The following AK9 variants were observed in gnomAD, a reference collection of about 807,000 sequenced individuals.
AK9 encodes adenylate kinase 9.
A neutral mutation model predicts 239.6 loss-of-function variants in AK9; 191 were observed. That is an observed-to-expected ratio of 0.80 (90% CI 0.71 to 0.90). The LOEUF (loss-of-function observed/expected upper bound fraction) is 0.90. AK9 is among the 40% of genes least tolerant of loss of function. AK9 has a pLI of 0.00. For synonymous variants in AK9, 689 were observed against 721.0 expected (o/e 0.96, Z 0.71); for missense variants, 1,995 against 2,214.7 (o/e 0.90, Z 1.99).
At chr6:109,582,472 A>G (rs1376198227) in intron 19 of AK9, among the ~76,000 whole-genome samples, 1 of 152,194 alleles carries the variant, frequency 6.6e-6, no homozygotes, top group African/African-American at 2.4e-5. Context: ...TCAGGACTGT[A>G]ATGAAGGAAG....
chr6:109,543,121 G>A (rs1291924710), intron 26 of AK9, among the ~76,000 whole-genome samples: 2 of 152,098 alleles, frequency 1.3e-5, no homozygotes, highest in African/African-American at 2.4e-5. Flanking sequence ...AGAAAGCATT[G>A]TGATAATTAA....
chr6:109,579,879 T>C (rs1259520822), intron 19 of AK9, among the ~76,000 whole-genome samples: 1 of 152,168 alleles, frequency 6.6e-6, no homozygotes, highest in East Asian at 1.9e-4. Context: ...TAAGAAAGGA[T>C]TACCTAACTG....
At chr6:109,684,873 C>CAAAAAAAAAAAAAA (rs60500211) in intron 1 of AK9, among the ~76,000 whole-genome samples, 8 of 21,870 alleles carry the variant, frequency 3.7e-4, no homozygotes, top group Non-Finnish European at 4.8e-4. Context: ...GACTCCGTCT[C>CAAAAAAAAAAAAAA]AAAAAAAAAA....
At chr6:109,679,764 C>T (rs575326824) in intron 1 of AK9, among the ~76,000 whole-genome samples, 38 of 152,330 alleles carry the variant, frequency 2.5e-4, no homozygotes, top group African/African-American at 7.2e-4. Context: ...AAGGAACAGG[C>T]AGCAATTTTT....
intron 17 of AK9, among the ~76,000 whole-genome samples, chr6:109,607,037 A>G (rs1792976532): frequency 6.6e-6 from 1 of 152,226 alleles, no homozygotes; most frequent in Admixed American, 6.5e-5. Context: ...GTCCAAGTGC[A>G]TCAATCATAT....
intron 21 of AK9, among the ~76,000 whole-genome samples, chr6:109,572,994 T>C (rs1365814991): frequency 6.6e-6 from 1 of 152,160 alleles, no homozygotes; most frequent in Non-Finnish European, 1.5e-5. Flanking sequence ...TATATTTGCA[T>C]TTAAAAATGG....
intron 5 of AK9, among the ~76,000 whole-genome samples, chr6:109,664,879 A>AG (rs1185325750): frequency 6.6e-6 from 1 of 151,650 alleles, no homozygotes; most frequent in African/African-American, 2.4e-5. Flanking sequence ...CTAAAAAAAA[A>AG]AAATACAAAA....
chr6:109,542,033 A>G lies in AK9; in HGVS notation c.3350+14T>C, dbSNP rs1782964804. The G allele has an allele frequency of 6.5e-7, 1 of 1,546,422 alleles. No individual in the cohort carries two copies. The highest frequency in any genetic ancestry group is 1.4e-5 in the African/African-American group (1 of 71,578). ...AAAGCAAATAAATGTACAATTCTAT[A>G]TAAATTAAGATACCGTATTGGTTCC... is the stretch of plus-strand genomic sequence containing the variant. On this transcript the variant is annotated intron_variant, in intron 27 of 40. Transcript: ENST00000424296.
chr6:109,593,848 A>G (rs1790626965), intron 17 of AK9, among the ~76,000 whole-genome samples: 1 of 152,204 alleles, frequency 6.6e-6, no homozygotes, highest in Non-Finnish European at 1.5e-5. Flanking sequence ...TAAACTAGGT[A>G]TTGATGGAAC....
At position 109,614,221 on chromosome 6, in the gene AK9, T is replaced by C. The variant is rs982716406; in HGVS notation, c.1571A>G (p.Asn524Ser). ...TTTAGCAGCTTGATCATGGAGGACATTTTCTGACTTTGTTTTGGCTTCTTC... is the reference window on the plus strand; with the variant it reads ...TTTAGCAGCTTGATCATGGAGGACACTTTCTGACTTTGTTTTGGCTTCTTC... ...DTEEAKTKSE[N>S]VLHDQAAKVD... The change falls in exon 15 of 41, where the codon AAT becomes AGT. Residue 524 changes from asparagine (N) to serine (S), a missense_variant. Physicochemically the swap from Asn to Ser is conservative, Grantham distance 46. This residue lies in a region of AK9 where 1,290 missense variants were observed against 1,392.7 expected (regional missense o/e 0.93). Transcript: ENST00000424296. 1.3e-6 allele frequency: 2 copies of C among 1,551,208 alleles called. No homozygotes were observed. The highest frequency in any genetic ancestry group is 1.4e-5 in the African/African-American group (1 of 73,002).
At chr6:109,634,933 T>G (rs886583998) in intron 10 of AK9, among the ~76,000 whole-genome samples, 2 of 152,230 alleles carry the variant, frequency 1.3e-5, no homozygotes, top group Admixed American at 6.5e-5. Flanking sequence ...CTCAACTTCA[T>G]GCCCATGGGG....
At chr6:109,579,088 T>TCAAAA (rs140207850) in intron 20 of AK9, among the ~76,000 whole-genome samples, 1 of 87,850 alleles carries the variant, frequency 1.1e-5, no homozygotes, top group African/African-American at 3.0e-5. Flanking sequence ...AACTCCAATC[T>TCAAAA]TAAACTGTTA....
intron 8 of AK9, among the ~76,000 whole-genome samples, chr6:109,652,253 C>T (rs979126868): frequency 3.3e-5 from 5 of 152,156 alleles, no homozygotes; most frequent in South Asian, 2.1e-4. Context: ...GTTCAACATA[C>T]GCAAATGAAT....
intron 26 of AK9, among the ~76,000 whole-genome samples, chr6:109,542,697 A>G (rs1041075338): frequency 6.6e-6 from 1 of 152,136 alleles, no homozygotes; most frequent in African/African-American, 2.4e-5. Flanking sequence ...CTTTTTTTAT[A>G]GTGTTGCTTA....
intron 1 of AK9, among the ~76,000 whole-genome samples, chr6:109,677,904 A>G (rs1482588025): frequency 6.6e-6 from 1 of 152,212 alleles, no homozygotes; most frequent in Non-Finnish European, 1.5e-5. Context: ...TAAAATAAAA[A>G]ATAGTGACAA....
In AK9 at chr6:109,672,105, G is replaced by T. The variant is rs957626871; in HGVS notation, c.234+10C>A. ...TAATCATAGTTACTTTGAAATTTAG[G>T]TTTGTTTACCATAACTCCTGATTCG... is the stretch of plus-strand genomic sequence containing the variant. On this transcript the variant is annotated intron_variant, in intron 4 of 40. Coordinates refer to ENST00000424296, the MANE Select transcript of AK9 (RefSeq NM_001145128.3). 2.1e-5 allele frequency: 34 copies of T among 1,613,216 alleles called. No homozygotes were observed. The highest frequency in any genetic ancestry group is 2.8e-5 in the Non-Finnish European group (33 of 1,179,612).
At chr6:109,566,645 C>T (rs940066007) in intron 21 of AK9, among the ~76,000 whole-genome samples, 1 of 151,650 alleles carries the variant, frequency 6.6e-6, no homozygotes, top group Admixed American at 6.6e-5. Flanking sequence ...AATGTTCTTA[C>T]TTACAAGTGG....
intron 5 of AK9, among the ~76,000 whole-genome samples, chr6:109,670,928 T>C (rs974985037): frequency 7.2e-5 from 11 of 152,064 alleles, no homozygotes; most frequent in Non-Finnish European, 1.5e-4. Flanking sequence ...CTACTTATAA[T>C]GTATTTATAA....
intron 17 of AK9, among the ~76,000 whole-genome samples, chr6:109,587,725 T>A (rs1335675569): frequency 6.6e-6 from 1 of 152,210 alleles, no homozygotes; most frequent in East Asian, 1.9e-4. Flanking sequence ...TCCGCGGCAT[T>A]GTTATTGTTA....
Sources: gnomAD v4.1 joint callset for allele counts (sites outside exome capture counted in the v4.1 genomes callset) on GRCh38, gnomAD v4.1.1 for gene constraint, gnomAD v4.1.1 regional missense constraint, MANE v1.5 for transcripts, NCBI Gene and HGNC (gene_info 2026-07-23, HGNC 2026-07-21) for gene names.